The following CYB5RL variants were observed in gnomAD, a reference collection of about 807,000 sequenced individuals.
The protein encoded by CYB5RL is cytochrome b5 reductase like.
A neutral mutation model predicts 37.5 loss-of-function variants in CYB5RL; 38 were observed. The ratio of observed to expected loss-of-function variants is 1.01; its 90% CI spans 0.78 to 1.33. CYB5RL has a LOEUF of 1.33. Among genes scored for constraint, CYB5RL ranks in the 40% most tolerant of loss-of-function variants. The pLI is 0.00. For synonymous variants in CYB5RL, 141 were observed against 151.9 expected, an observed-to-expected ratio of 0.93 and a Z score of 0.53; for missense variants, 388 against 394.4, an observed-to-expected ratio of 0.98 and a Z score of 0.14.
chr1:54,194,979 G>C (rs1643993089), intron 3 of CYB5RL, among the ~76,000 whole-genome samples: 1 of 152,218 alleles, frequency 6.6e-6, no homozygotes, highest in Non-Finnish European at 1.5e-5. Flanking sequence ...AAGTCAGTAA[G>C]GGCCAGAGAA....
chr1:54,188,875 G>A (rs1255841717), intron 4 of CYB5RL, among the ~76,000 whole-genome samples: 3 of 152,194 alleles, frequency 2.0e-5, no homozygotes, highest in Non-Finnish European at 4.4e-5. Context: ...GAGAGGGCTG[G>A]ACAGAAATAT....
At chr1:54,193,256 T>C (rs1159395581) in intron 3 of CYB5RL, among the ~76,000 whole-genome samples, 1 of 152,200 alleles carries the variant, frequency 6.6e-6, no homozygotes, top group Admixed American at 6.5e-5. Context: ...GTGCTGAGGA[T>C]AGAACAGTGA....
Position 54,195,469 on chromosome 1 carries a change from C to T in CYB5RL, c.148G>A (p.Ala50Thr). The T allele has an allele frequency of 6.2e-7, 1 of 1,612,578 alleles. No homozygotes were observed. The highest frequency in any genetic ancestry group is 2.2e-5 in the East Asian group (1 of 44,868). Residue 50 changes from alanine to threonine, a missense_variant, in exon 3 of 8, where the codon GCA becomes ACA. By Grantham distance (58) the Ala-to-Thr change is moderately conservative. Coordinates refer to ENST00000534324, the MANE Select transcript of CYB5RL (RefSeq NM_001031672.4). The stretch of plus-strand genomic sequence containing the variant: ...CTCCTGTCCTTGCTGGCTTGGGCTG[C>T]CTCCCACCTTGCCAGATCTCGGTGA... Reference protein sequence around the residue: ...LYHRDLARWEAAQASKDRSLL... With the variant: ...LYHRDLARWETAQASKDRSLL...
Position 54,188,602 on chromosome 1 carries a change from A to G in CYB5RL, c.348-863T>C, listed in dbSNP as rs114818052. Among the ~76,000 whole-genome samples the G allele has an allele frequency of 9.3e-3, 1,417 of 152,340 alleles. 24 individuals carry two copies. The highest frequency in any genetic ancestry group is 0.032 in the African/African-American group (1,351 of 41,580). On this transcript the variant is annotated intron_variant, in intron 4 of 7. Transcript: ENST00000534324. ...CATGGTGTATTAAATGCATACATGT[A>G]TCAAGCATTTCATATGCATTATCTC...
chr1:54,199,442 G>A (rs1224960903), intron 1 of CYB5RL, among the ~76,000 whole-genome samples: 4 of 152,218 alleles, frequency 2.6e-5, no homozygotes, highest in Non-Finnish European at 5.9e-5. Context: ...GTGTATCGCA[G>A]TTGACTTATT....
intron 5 of CYB5RL, 45 bp downstream of exon 5, chr1:54,187,607 T>C (rs754915949): frequency 6.3e-7 from 1 of 1,583,788 alleles, no homozygotes; most frequent in South Asian, 1.1e-5. Context: ...CTTAGACCCA[T>C]AGCTTCTCCA....
chr1:54,190,940 A>T (rs2100478550), intron 3 of CYB5RL, 44 bp from the exon 4 acceptor site: 3 of 1,592,904 alleles, frequency 1.9e-6, no homozygotes, highest in Non-Finnish European at 2.6e-6. Flanking sequence ...GGGGCTCCAC[A>T]GACACACAGG....
chr1:54,170,843 C>T lies in CYB5RL; in HGVS notation c.*3776G>A. The T allele has an allele frequency of 3.2e-6, 1 of 310,264 alleles. No homozygotes were observed. Among genetic ancestry groups the T allele is most frequent in the Non-Finnish European group, 6.4e-6 (1 of 155,500 alleles). The allele number at this position is 310,264 out of a possible 1,614,324, so 19.2% of individuals were successfully genotyped here. A position where few individuals can be genotyped will look rare whatever the true frequency, so the allele number is the denominator to read the frequency against. Reference sequence around the variant, plus strand: ...GCTTGAAGTCTCAGAAGCTTAGTTTCCTCATCAGTAAATTGGGGTAATAAA... The same window carrying T: ...GCTTGAAGTCTCAGAAGCTTAGTTTTCTCATCAGTAAATTGGGGTAATAAA... On this transcript the variant is annotated 3_prime_UTR_variant, in exon 8 of 8. Transcript: ENST00000534324.
chr1:54,194,593 G>A (rs573071730), intron 3 of CYB5RL, among the ~76,000 whole-genome samples: 2 of 152,188 alleles, frequency 1.3e-5, no homozygotes, highest in South Asian at 4.2e-4. Context: ...AGGATCACTT[G>A]AGACCAAGAG....
At chr1:54,186,355 A>T (rs989015437) in intron 5 of CYB5RL, 1 of 152,244 alleles carries the variant, frequency 6.6e-6, no homozygotes. Flanking sequence ...TAATTAGAAT[A>T]AAGAGACAGA....
At chr1:54,192,647 G>T (rs1305983270) in intron 3 of CYB5RL, among the ~76,000 whole-genome samples, 2 of 152,038 alleles carry the variant, frequency 1.3e-5, no homozygotes, top group African/African-American at 4.8e-5. Flanking sequence ...CAGTTTTTCA[G>T]ATGAGAAAAC....
chr1:54,199,041 A>G (rs186595665), intron 1 of CYB5RL, among the ~76,000 whole-genome samples: 17 of 152,170 alleles, frequency 1.1e-4, no homozygotes, highest in Admixed American at 3.9e-4. Context: ...GCGTCCTCTG[A>G]GCTCTATCTT....
At chr1:54,182,878 A>T (rs1660201244) in intron 6 of CYB5RL, among the ~76,000 whole-genome samples, 1 of 152,228 alleles carries the variant, frequency 6.6e-6, no homozygotes, top group Non-Finnish European at 1.5e-5. Context: ...AAAATTAAAC[A>T]AAAAGAATGG....
At chr1:54,192,864 C>T (rs559510010) in intron 3 of CYB5RL, among the ~76,000 whole-genome samples, 2 of 152,144 alleles carry the variant, frequency 1.3e-5, no homozygotes, top group East Asian at 1.9e-4. Context: ...AAACAATTCT[C>T]ATGCCTCAGC....
chr1:54,199,049 C>T (rs1420151016), intron 1 of CYB5RL, among the ~76,000 whole-genome samples: 3 of 152,306 alleles, frequency 2.0e-5, no homozygotes, highest in African/African-American at 7.2e-5. Flanking sequence ...TGAGCTCTAT[C>T]TTTTCAGTTC....
rs201436142 is a variant in CYB5RL, at chr1:54,194,050, A to AATG, written c.198+1366_198+1368dup. ...TAATGATAATAATAATAATAATAAT[A>AATG]ATGTCATGTTGTTTTGGGGTTCAGA... On this transcript the variant is annotated intron_variant, in intron 3 of 7. Transcript: ENST00000534324. 8.6e-4 allele frequency among the ~76,000 whole-genome samples: 128 copies of AATG among 149,474 alleles called. 5 individuals are homozygous for AATG. The East Asian group carries it at 0.021, about 25-fold the overall frequency.
At chr1:54,193,423 T>C (rs1180458330) in intron 3 of CYB5RL, among the ~76,000 whole-genome samples, 2 of 152,182 alleles carry the variant, frequency 1.3e-5, no homozygotes, top group African/African-American at 4.8e-5. Context: ...GGGTGAGCCA[T>C]GTGGAGATGG....
At chr1:54,181,364 A>G (rs1047658890) in intron 6 of CYB5RL, among the ~76,000 whole-genome samples, 3 of 152,242 alleles carry the variant, frequency 2.0e-5, no homozygotes, top group African/African-American at 7.2e-5. Flanking sequence ...CAGGGGACTC[A>G]TCTGACCCAT....
chr1:54,180,753 T>C (rs1420194492), intron 6 of CYB5RL, among the ~76,000 whole-genome samples: 1 of 152,126 alleles, frequency 6.6e-6, no homozygotes, highest in African/African-American at 2.4e-5. Flanking sequence ...GGCAAGCTCT[T>C]TCACCAATAT....
Sources: gnomAD v4.1 joint callset for allele counts (sites outside exome capture counted in the v4.1 genomes callset) on GRCh38, gnomAD v4.1.1 for gene constraint, MANE v1.5 for transcripts, NCBI Gene and HGNC (gene_info 2026-07-23, HGNC 2026-07-21) for gene names.